PCF11: variants seen among roughly 807,000 people sequenced by gnomAD.
PCF11 encodes the protein pre-mRNA cleavage complex 2 protein Pcf11.
In PCF11, 19 loss-of-function variants were observed where a neutral mutation model predicts 166.1. That is an observed-to-expected ratio of 0.11 (90% CI 0.08 to 0.17). PCF11 has a LOEUF of 0.17. PCF11 is among the 10% of genes least tolerant of loss of function. PCF11 has a pLI of 1.00. For missense variants in PCF11, 1,565 were observed against 1,855.5 expected, an observed-to-expected ratio of 0.84 and a Z score of 2.88; for synonymous variants, 663 against 644.1, an observed-to-expected ratio of 1.03 and a Z score of -0.44.
At chr11:83,169,871 C>G (rs1410270358) in exon 8 of PCF11, 30 of 1,613,434 alleles carry the variant, frequency 1.9e-5, no homozygotes, top group Non-Finnish European at 2.5e-5. Flanking sequence ...CAGAGTTTCT[C>G]TAATCCACTT....
chr11:83,172,840 A>G lies in PCF11; in HGVS notation c.3757+926A>G, dbSNP rs184067356. 4.6e-5 allele frequency among the ~76,000 whole-genome samples: 7 copies of G among 152,348 alleles called. No homozygotes were observed. In the East Asian group the frequency reaches 1.3e-3, roughly 29 times the overall value. On this transcript the variant is annotated intron_variant, in intron 9 of 15. Coordinates refer to ENST00000298281, the Ensembl canonical transcript of PCF11. ...GCTTTACTGTAGTATTGAGTTAATC[A>G]GTTTACAATAAATTTATGGAGTTTT...
intron 1 of PCF11, among the ~76,000 whole-genome samples, chr11:83,159,248 A>T (rs912430833): frequency 6.6e-6 from 1 of 152,190 alleles, no homozygotes; most frequent in Non-Finnish European, 1.5e-5. Flanking sequence ...GTCATACTCA[A>T]CATGCTTTTT....
chr11:83,182,551 C>A, intron 14 of PCF11, 60 bp downstream of exon 14: 1 of 843,662 alleles, frequency 1.2e-6, no homozygotes, highest in Admixed American at 2.2e-5. Context: ...TGGGTTAACA[C>A]ATTACTTTGA....
At chr11:83,173,179 G>A (rs116226333) in intron 9 of PCF11, among the ~76,000 whole-genome samples, 227 of 152,268 alleles carry the variant, frequency 1.5e-3, no homozygotes, top group African/African-American at 5.2e-3. Context: ...CATATGGGCC[G>A]GGCATGGTGG....
intron 13 of PCF11, among the ~76,000 whole-genome samples, 176 bp downstream of exon 13, chr11:83,182,185 G>A (rs2135447921): frequency 6.6e-6 from 1 of 152,306 alleles, no homozygotes; most frequent in East Asian, 1.9e-4. Flanking sequence ...CATAACTACA[G>A]TGGCCAAAAG....
At chr11:83,166,178 A>G (rs1242022885) in exon 5 of PCF11, 12 of 1,606,398 alleles carry the variant, frequency 7.5e-6, no homozygotes, top group Middle Eastern at 1.7e-4. Flanking sequence ...AAACTGCAGA[A>G]AAAAAGGATA....
chr11:83,180,112 G>C (rs991045385), intron 11 of PCF11: 1 of 123,970 alleles, frequency 8.1e-6, no homozygotes, highest in African/African-American at 3.1e-5. Context: ...TTTTTGAGAT[G>C]GAGTCTCACT....
chr11:83,166,318 C>T lies in PCF11; in HGVS notation c.1421C>T (p.Ser474Leu), dbSNP rs569738550. The change falls in exon 5 of 16, where the codon TCG becomes TTG. Residue 474 changes from serine to leucine, a missense_variant. Physicochemically the swap from Ser to Leu is moderately radical, Grantham distance 145. Transcript: ENST00000298281. The stretch of plus-strand genomic sequence containing the variant: ...AAACAGGGGACAAAACCAGGGAGAT[C>T]GAGTACTAGAAAGCGATCAAGATCT... 14 of 1,613,532 alleles carry T rather than the reference C, an allele frequency of 8.7e-6. No homozygotes were observed. In the South Asian group the frequency reaches 8.8e-5, roughly 10 times the overall value.
intron 2 of PCF11, among the ~76,000 whole-genome samples, chr11:83,162,519 T>C (rs1030180845): frequency 2.0e-5 from 3 of 152,238 alleles, no homozygotes; most frequent in Admixed American, 6.5e-5. Context: ...CCAGAGGCTG[T>C]AGTCTTAAGG....
At chr11:83,163,766 G>C in exon 3 of PCF11, 1 of 1,595,114 alleles carries the variant, frequency 6.3e-7, no homozygotes, top group Non-Finnish European at 8.6e-7. Context: ...TGCCCTGGAT[G>C]TCAGAGTCAA....
chr11:83,163,760 C>T, exon 3 of PCF11: 4 of 1,595,526 alleles, frequency 2.5e-6, no homozygotes, highest in Non-Finnish European at 3.4e-6. Context: ...ACTTTATGCC[C>T]TGGATGTCAG....
At chr11:83,165,707 T>C (rs1860424573) in exon 5 of PCF11, 1 of 1,613,676 alleles carries the variant, frequency 6.2e-7, no homozygotes, top group South Asian at 1.1e-5. Flanking sequence ...AAGCTCCTCA[T>C]CAGGTTCCTG....
In PCF11 at chr11:83,167,562, A is replaced by G. The variant is rs1461460551; in HGVS notation, c.2092+57A>G. The G allele has an allele frequency of 1.9e-6, 3 of 1,572,532 alleles. No individual in the cohort carries two copies. The highest frequency in any genetic ancestry group is 1.2e-5 in the South Asian group (1 of 86,336). ...TACAGAAGAAAATAAAGGTGGATTA[A>G]AAAAGAAACCTCTCTTATCTGATGC... On this transcript the variant is annotated intron_variant, in intron 7 of 15. Transcript: ENST00000298281. This position sits in a 1 kb window ranked among gnomAD's most constrained non-coding sequence, Gnocchi z 4.2.
At chr11:83,175,664 G>A (rs1860852415) in intron 9 of PCF11, among the ~76,000 whole-genome samples, 1 of 152,206 alleles carries the variant, frequency 6.6e-6, no homozygotes, top group African/African-American at 2.4e-5. Context: ...TGAGGCAGGA[G>A]AACGGTGTGA....
At chr11:83,169,619 A>G in exon 8 of PCF11, 1 of 1,613,974 alleles carries the variant, frequency 6.2e-7, no homozygotes, top group Non-Finnish European at 8.5e-7. Context: ...CAAAGATTTG[A>G]TGGTCCACAA....
At position 83,166,001 on chromosome 11, in the gene PCF11, G is replaced by A. The variant is rs72952648; in HGVS notation, c.1104G>A (p.Ser368=). ...TAGATTCTAAATCGAAATCGAAATCGAAATCACCCTCACCTTTGAAAAACA... is the reference window on the plus strand; with the variant it reads ...TAGATTCTAAATCGAAATCGAAATCAAAATCACCCTCACCTTTGAAAAACA... The change falls in exon 5 of 16, where the codon TCG becomes TCA. Residue 368 remains serine (S), a synonymous_variant. Transcript: ENST00000298281. 2.2e-4 allele frequency: 352 copies of A among 1,597,424 alleles called. 1 individual carries two copies. The African/African-American group carries it at 3.8e-3, about 17-fold the overall frequency.
intron 11 of PCF11, among the ~76,000 whole-genome samples, chr11:83,179,921 A>T (rs1226550247): frequency 2.0e-5 from 3 of 151,624 alleles, no homozygotes; most frequent in African/African-American, 7.3e-5. Flanking sequence ...CTCCGTCTCC[A>T]AAAAAAACGG....
chr11:83,163,814 C>A (rs766276439), exon 3 of PCF11: 1 of 1,585,528 alleles, frequency 6.3e-7, no homozygotes, highest in Non-Finnish European at 8.6e-7. Flanking sequence ...ACCTCTACCC[C>A]CCAATGTGAA....
At chr11:83,172,651 A>C (rs193140004) in intron 9 of PCF11, among the ~76,000 whole-genome samples, 38 of 152,236 alleles carry the variant, frequency 2.5e-4, no homozygotes, top group African/African-American at 9.1e-4. Context: ...CCTGACCTCA[A>C]GTGATCTGCC....
Sources: allele counts gnomAD v4.1 joint callset (sites outside exome capture counted in the v4.1 genomes callset), GRCh38; gene constraint gnomAD v4.1.1; non-coding constraint Gnocchi (gnomAD v3.1); transcripts MANE v1.5; gene names NCBI Gene and HGNC (gene_info 2026-07-23, HGNC 2026-07-21).